The following EYA1 variants were observed in gnomAD, a reference collection of about 807,000 sequenced individuals.
EYA1 encodes EYA transcriptional coactivator and phosphatase 1.
Under a neutral mutation model 82.0 loss-of-function variants are expected in EYA1, and 16 were observed. The observed-to-expected ratio is 0.20, with a 90% confidence interval of 0.13 to 0.30. The LOEUF is 0.30. Among genes scored for constraint, EYA1 ranks in the 10% least tolerant of loss-of-function variants. EYA1 has a pLI of 1.00. For synonymous variants in EYA1, 261 were observed against 264.4 expected (o/e 0.99, Z 0.12); for missense variants, 633 against 730.7 (o/e 0.87, Z 1.54).
intron 2 of EYA1, among the ~76,000 whole-genome samples, chr8:71,479,623 G>GAAAA (rs34377404): frequency 2.0e-5 from 2 of 100,198 alleles, no homozygotes; most frequent in Admixed American, 2.2e-4. Flanking sequence ...CTTTCTTTAT[G>GAAAA]AAAAAAAAAA....
At chr8:71,225,703 G>A (rs985583348) in intron 12 of EYA1, among the ~76,000 whole-genome samples, 13 of 152,138 alleles carry the variant, frequency 8.5e-5, no homozygotes, top group South Asian at 2.1e-4. Flanking sequence ...TATACAAGCC[G>A]ATGGGAAAAG....
intron 2 of EYA1, among the ~76,000 whole-genome samples, chr8:71,479,720 G>A (rs184149598): frequency 1.3e-5 from 2 of 149,838 alleles, no homozygotes; most frequent in Non-Finnish European, 3.0e-5. Flanking sequence ...GGCCCAAGCA[G>A]CTACACTGGC....
chr8:71,334,304 T>C, intron 3 of EYA1, 130 bp from the exon 4 acceptor site: 5 of 788,518 alleles, frequency 6.3e-6, no homozygotes, highest in South Asian at 5.6e-5. Flanking sequence ...ACTGAACATA[T>C]ATCATAAGCA....
rs143123952 is a variant in EYA1, at chr8:71,483,049, C to A, written c.33+52695G>T. Among the ~76,000 whole-genome samples, 320 of 152,308 alleles carry A rather than the reference C, an allele frequency of 2.1e-3. 2 individuals are homozygous for A. Among genetic ancestry groups the A allele is most frequent in the African/African-American group, 7.2e-3 (301 of 41,572 alleles). On this transcript the variant is annotated intron_variant, in intron 2 of 18. Transcript: ENST00000643681. ...AGTCAATAATCCAGATCATGACAGA[C>A]CCCTGCTCAAGCCCATGAGTGGCTC...
At chr8:71,279,188 A>G (rs1817540530) in intron 9 of EYA1, among the ~76,000 whole-genome samples, 1 of 152,314 alleles carries the variant, frequency 6.6e-6, no homozygotes, top group Non-Finnish European at 1.5e-5. Flanking sequence ...ATTATATTCT[A>G]TTTGCCATTA....
chr8:71,500,695 G>A (rs1811747986), intron 2 of EYA1, among the ~76,000 whole-genome samples: 1 of 151,990 alleles, frequency 6.6e-6, no homozygotes, highest in African/African-American at 2.4e-5. Flanking sequence ...TGTTCCAAAT[G>A]AAAGGAAATT....
chr8:71,236,206 T>C (rs890317162), intron 12 of EYA1, among the ~76,000 whole-genome samples: 6 of 152,248 alleles, frequency 3.9e-5, no homozygotes, highest in African/African-American at 1.4e-4. Flanking sequence ...CAGCTAATTT[T>C]TGTATTTTTA....
intron 1 of EYA1, among the ~76,000 whole-genome samples, chr8:71,543,009 G>C (rs1248546064): frequency 6.6e-6 from 1 of 151,904 alleles, no homozygotes; most frequent in Non-Finnish European, 1.5e-5. Context: ...TAGATTGTCT[G>C]TTCACTCTGT....
At chr8:71,388,427 A>G (rs1007292493) in intron 2 of EYA1, among the ~76,000 whole-genome samples, 7 of 152,210 alleles carry the variant, frequency 4.6e-5, no homozygotes, top group African/African-American at 1.7e-4. Flanking sequence ...AGTGCTCCTA[A>G]ACAGTGAGGG....
At chr8:71,222,973 G>C (rs1321526328) in intron 12 of EYA1, among the ~76,000 whole-genome samples, 1 of 152,226 alleles carries the variant, frequency 6.6e-6, no homozygotes, top group African/African-American at 2.4e-5. Flanking sequence ...CCTGCCTGGA[G>C]CATGGATGTG....
chr8:71,214,162 C>A (rs532775566), intron 16 of EYA1, among the ~76,000 whole-genome samples: 1 of 152,084 alleles, frequency 6.6e-6, no homozygotes, highest in East Asian at 1.9e-4. Context: ...CCAAAGACAG[C>A]CCTCTTGCCA....
intron 9 of EYA1, among the ~76,000 whole-genome samples, chr8:71,277,127 T>TGC (rs1586143386): frequency 7.3e-6 from 1 of 136,450 alleles, no homozygotes; most frequent in Admixed American, 7.3e-5. Context: ...TTTTTTTTTT[T>TGC]TTTTTTTTTT....
At chr8:71,507,512 T>G (rs1812280027) in intron 2 of EYA1, among the ~76,000 whole-genome samples, 2 of 152,182 alleles carry the variant, frequency 1.3e-5, no homozygotes, top group Non-Finnish European at 2.9e-5. Flanking sequence ...TCCAGCAATC[T>G]CACTCCTAGG....
At chr8:71,200,850 G>C (rs1434392327) in intron 17 of EYA1, among the ~76,000 whole-genome samples, 4 of 151,442 alleles carry the variant, frequency 2.6e-5, no homozygotes, top group Non-Finnish European at 5.9e-5. Context: ...GAAGGGAGGT[G>C]ATAGCTGAAC....
chr8:71,483,595 G>A (rs926643835), intron 2 of EYA1, among the ~76,000 whole-genome samples: 1 of 151,804 alleles, frequency 6.6e-6, no homozygotes, highest in African/African-American at 2.4e-5. Flanking sequence ...GTGGCCTCTG[G>A]GGAAGCTGGA....
intron 11 of EYA1, among the ~76,000 whole-genome samples, chr8:71,252,105 C>T (rs1396127232): frequency 6.6e-6 from 1 of 152,042 alleles, no homozygotes; most frequent in Non-Finnish European, 1.5e-5. Flanking sequence ...TTTGTTTCAT[C>T]AGTGAGCTAA....
intron 9 of EYA1, among the ~76,000 whole-genome samples, chr8:71,282,216 C>G (rs1817887580): frequency 2.6e-5 from 4 of 152,196 alleles, no homozygotes; most frequent in Admixed American, 2.6e-4. Context: ...AGTGCCCTGT[C>G]ACTGATTCCA....
chr8:71,406,401 C>A (rs915798682), intron 2 of EYA1, among the ~76,000 whole-genome samples: 1 of 152,206 alleles, frequency 6.6e-6, no homozygotes, highest in Non-Finnish European at 1.5e-5. Context: ...CAGCTCCGGT[C>A]TACAGCTCCC....
In EYA1 at chr8:71,204,903, G is replaced by A. The variant is rs921565253; in HGVS notation, c.1699-5483C>T. On this transcript the variant is annotated intron_variant, in intron 17 of 17. Coordinates refer to ENST00000340726, the MANE Select transcript of EYA1 (RefSeq NM_000503.6). ...TTTTTAAGGATGACGATGAAATCCAGTTCAAAACCTGGCATATAGTAAGTG... is the reference window on the plus strand; with the variant it reads ...TTTTTAAGGATGACGATGAAATCCAATTCAAAACCTGGCATATAGTAAGTG... Among the ~76,000 whole-genome samples, 85 of 152,246 alleles carry A rather than the reference G, an allele frequency of 5.6e-4. 1 individual carries two copies. Among genetic ancestry groups the A allele is most frequent in the African/African-American group, 1.8e-3 (74 of 41,548 alleles).
Sources: allele counts gnomAD v4.1 joint callset (sites outside exome capture counted in the v4.1 genomes callset), GRCh38; gene constraint gnomAD v4.1.1; transcripts MANE v1.5; gene names NCBI Gene and HGNC (gene_info 2026-07-23, HGNC 2026-07-21).